DEGS1: variants seen among roughly 807,000 people sequenced by gnomAD.
DEGS1 encodes delta 4-desaturase, sphingolipid 1.
A neutral mutation model predicts 24.1 loss-of-function variants in DEGS1; 17 were observed. The ratio of observed to expected loss-of-function variants is 0.70; its 90% CI spans 0.48 to 1.06. DEGS1 has a LOEUF of 1.06. DEGS1 is among the 50% of genes least tolerant of loss of function. The pLI is 0.00. For missense variants in DEGS1, 366 were observed against 408.9 expected (o/e 0.90, Z 0.91); for synonymous variants, 134 against 140.0 (o/e 0.96, Z 0.30).
chr1:224,189,531 A>G, intron 1 of DEGS1, 46 bp from the exon 2 acceptor site: 2 of 1,404,076 alleles, frequency 1.4e-6, no homozygotes, highest in Non-Finnish European at 1.9e-6. Context: ...TTGGTGAACT[A>G]TTACATACTT....
rs976546266 is a variant in DEGS1, at chr1:224,183,340, G to C, written c.4G>C (p.Gly2Arg). Reference protein sequence around the residue: MGSRVSREDFEW... With the variant: MRSRVSREDFEW... ...TCTGCAAGCCACCGCTGTCGCCATG[G>C]GGAGCCGCGTCTCGCGGGAAGACTT... Residue 2 changes from glycine (G) to arginine (R), a missense_variant, in exon 1 of 3, where the codon GGG (glycine) becomes CGG (arginine). Physicochemically the swap from Gly to Arg is moderately radical, Grantham distance 125. Transcript: ENST00000323699. 1 of 1,480,236 alleles carries C rather than the reference G, an allele frequency of 6.8e-7. No homozygotes were observed. The highest frequency in any genetic ancestry group is 2.4e-5 in the Admixed American group (1 of 41,296). The allele number at this position is 1,480,236 out of a possible 1,614,324, so 91.7% of individuals were successfully genotyped here.
Position 224,192,369 on chromosome 1 carries a change from C to T in DEGS1, c.863C>T (p.Pro288Leu), listed in dbSNP as rs745717237. The T allele has an allele frequency of 5.0e-6, 8 of 1,613,462 alleles. No individual in the cohort carries two copies. Among genetic ancestry groups the T allele is most frequent in the South Asian group, 2.2e-5 (2 of 90,892 alleles). Residue 288 changes from proline to leucine, a missense_variant, in exon 3 of 3, where the codon CCT becomes CTT. Pro to Leu is a moderately conservative substitution (Grantham distance 98, BLOSUM62 -3). Transcript: ENST00000323699. ...KIAAEYYDNL[P>L]HYNSWIKVLY... ...GCAGCTGAATACTATGACAACCTCC[C>T]TCACTACAATTCCTGGATAAAAGTA... is the stretch of plus-strand genomic sequence containing the variant.
chr1:224,187,063 C>T (rs1278777208), intron 1 of DEGS1, among the ~76,000 whole-genome samples: 2 of 152,080 alleles, frequency 1.3e-5, no homozygotes, highest in African/African-American at 4.8e-5. Flanking sequence ...AATCCCAGCC[C>T]TTGGGTGGCT....
At chr1:224,185,855 A>G (rs1463256847) in intron 1 of DEGS1, among the ~76,000 whole-genome samples, 3 of 152,146 alleles carry the variant, frequency 2.0e-5, no homozygotes, top group African/African-American at 7.2e-5. Context: ...CTAGCGTCCT[A>G]CCTGTGTAAA....
intron 1 of DEGS1, 174 bp downstream of exon 1, chr1:224,183,592 C>T (rs575576031): frequency 4.9e-6 from 2 of 410,894 alleles, no homozygotes; most frequent in Non-Finnish European, 8.0e-6. Flanking sequence ...GCGGGAGAGG[C>T]TGGGCGAGGA....
chr1:224,185,637 A>G (rs550853041), intron 1 of DEGS1, among the ~76,000 whole-genome samples: 272 of 152,204 alleles, frequency 1.8e-3, no homozygotes, highest in African/African-American at 6.2e-3. Flanking sequence ...AGTACCTGGG[A>G]TTACAGACGC....
At chr1:224,190,609 A>C (rs1027859096) in intron 2 of DEGS1, among the ~76,000 whole-genome samples, 17 of 151,896 alleles carry the variant, frequency 1.1e-4, no homozygotes, top group African/African-American at 3.6e-4. Flanking sequence ...TAAAAAAAAA[A>C]AAAACAAAAA....
rs1658576758 is a variant in DEGS1 at position 224,192,752 on chromosome 1, A to G, written c.*274A>G. ...TCATTTTATAAGCATATCATTTAAAAAGCTTCTAAAAAGCTATTTCGCCAG... is the reference window on the plus strand; with the variant it reads ...TCATTTTATAAGCATATCATTTAAAGAGCTTCTAAAAAGCTATTTCGCCAG... On this transcript the variant is annotated 3_prime_UTR_variant, in exon 3 of 3. Transcript: ENST00000323699. The G allele has an allele frequency of 2.9e-6, 1 of 340,478 alleles. No individual in the cohort carries two copies. The highest frequency in any genetic ancestry group is 5.3e-6 in the Non-Finnish European group (1 of 188,668). The allele number at this position is 340,478 out of a possible 1,614,324, so 21.1% of individuals were successfully genotyped here. A position where few individuals can be genotyped will look rare whatever the true frequency, so the allele number is the denominator to read the frequency against.
At chr1:224,187,993 T>C (rs12142842) in intron 1 of DEGS1, among the ~76,000 whole-genome samples, 14,741 of 151,668 alleles carry the variant, frequency 0.097, 1,054 homozygotes, top group East Asian at 0.36. Context: ...CAGGGTCCTG[T>C]TATGTTGCCC....
At chr1:224,183,539 G>C in intron 1 of DEGS1, 121 bp downstream of exon 1, 4 of 693,004 alleles carry the variant, frequency 5.8e-6, no homozygotes, top group Non-Finnish European at 8.0e-6. Flanking sequence ...CCTGCTCCCC[G>C]TCGCGTCCCG....
chr1:224,192,000 C>T, intron 2 of DEGS1, among the ~76,000 whole-genome samples: 1 of 152,128 alleles, frequency 6.6e-6, no homozygotes, highest in Non-Finnish European at 1.5e-5. Context: ...TGGCGTCATC[C>T]ATGCAGTACA....
At chr1:224,184,637 G>A (rs993558395) in intron 1 of DEGS1, among the ~76,000 whole-genome samples, 3 of 151,908 alleles carry the variant, frequency 2.0e-5, no homozygotes, top group African/African-American at 7.3e-5. Context: ...TCAGCCTCCC[G>A]AGTAGCTGGG....
chr1:224,188,559 G>T (rs1658452379), intron 1 of DEGS1, among the ~76,000 whole-genome samples: 2 of 152,058 alleles, frequency 1.3e-5, no homozygotes, highest in Non-Finnish European at 1.5e-5. Flanking sequence ...AGTGTGAGGT[G>T]GTATCTATGG....
chr1:224,191,157 G>A (rs1432638131), intron 2 of DEGS1: 1 of 152,044 alleles, frequency 6.6e-6, no homozygotes, highest in Non-Finnish European at 1.5e-5. Context: ...GGAGGCCTAG[G>A]TGAGTGGATC....
At chr1:224,183,633 G>A in intron 1 of DEGS1, 2 of 344,182 alleles carry the variant, frequency 5.8e-6, no homozygotes, top group Non-Finnish European at 5.1e-6. Context: ...TCGGAGCCGC[G>A]CAGCTCCGAC....
intron 1 of DEGS1, among the ~76,000 whole-genome samples, chr1:224,184,500 GTTTT>G (rs59105269): frequency 0.26 from 38,016 of 147,114 alleles, 4,948 homozygotes; most frequent in Middle Eastern, 0.34. Flanking sequence ...GCACGTGTTT[GTTTT>G]TTGTTTGTTT....
At chr1:224,186,372 C>T (rs1658391542) in intron 1 of DEGS1, among the ~76,000 whole-genome samples, 1 of 151,612 alleles carries the variant, frequency 6.6e-6, no homozygotes, top group African/African-American at 2.4e-5. Flanking sequence ...GCCTTTTTTC[C>T]CCCCACAGAC....
rs1224159419 is a variant in DEGS1, at chr1:224,190,155, G to T, written c.661G>T (p.Gly221Cys). Reference protein sequence around the residue: ...YMLAASLLGLGLHPISGHFIA... With the variant: ...YMLAASLLGLCLHPISGHFIA... ...GTTGGCAGCATCTTTACTTGGCCTG[G>T]GTTTGCACCCAATTTCTGGACATTT... The change falls in exon 2 of 3, where the codon GGT becomes TGT. Residue 221 changes from glycine (G) to cysteine (C), a missense_variant. Physicochemically the swap from Gly to Cys is radical, Grantham distance 159 (BLOSUM62 -3). Transcript: ENST00000323699. 4 of 1,597,408 alleles carry T rather than the reference G, an allele frequency of 2.5e-6. No individual in the cohort carries two copies. The highest frequency in any genetic ancestry group is 2.7e-5 in the African/African-American group (2 of 73,914).
chr1:224,183,473 C>T, intron 1 of DEGS1, 55 bp downstream of exon 1: 4 of 1,240,292 alleles, frequency 3.2e-6, no homozygotes, highest in South Asian at 3.0e-5. Flanking sequence ...GGCGCCGGGG[C>T]GCGCTCTCCC....
Sources: gnomAD v4.1 joint callset for allele counts (sites outside exome capture counted in the v4.1 genomes callset) on GRCh38, gnomAD v4.1.1 for gene constraint, MANE v1.5 for transcripts, NCBI Gene and HGNC (gene_info 2026-07-23, HGNC 2026-07-21) for gene names.